RFX6: variants seen among roughly 807,000 people sequenced by gnomAD.
RFX6 encodes the protein regulatory factor X6.
Under a neutral mutation model 110.8 loss-of-function variants are expected in RFX6, and 50 were observed. The ratio of observed to expected loss-of-function variants is 0.45; its 90% CI spans 0.36 to 0.57. The LOEUF is 0.57. Ranked by LOEUF, RFX6 falls within the 20% of genes least tolerant of loss-of-function variation. RFX6 has a pLI of 0.00. For synonymous variants in RFX6, 383 were observed against 411.2 expected (o/e 0.93, Z 0.83); for missense variants, 990 against 1,127.0 (o/e 0.88, Z 1.74).
intron 6 of RFX6, among the ~76,000 whole-genome samples, chr6:116,903,024 G>GA (rs1775108891): frequency 1.3e-5 from 2 of 151,900 alleles, no homozygotes; most frequent in African/African-American, 4.8e-5. Flanking sequence ...ATTGAGAAAG[G>GA]AAAAAACAAA....
intron 6 of RFX6, among the ~76,000 whole-genome samples, chr6:116,895,645 TAC>T (rs146991192): frequency 0.056 from 8,251 of 147,520 alleles, 225 homozygotes; most frequent in South Asian, 0.084. Context: ...CTACTTTGTG[TAC>T]ACACACACAC....
chr6:116,910,499 AATAAATT>A (rs1775327232), intron 6 of RFX6, among the ~76,000 whole-genome samples: 1 of 152,206 alleles, frequency 6.6e-6, no homozygotes, highest in African/African-American at 2.4e-5. Context: ...TCTGAGACTG[AATAAATT>A]ATTTTACGTT....
chr6:116,929,883 A>G (rs1164794883), intron 18 of RFX6, among the ~76,000 whole-genome samples: 1 of 152,184 alleles, frequency 6.6e-6, no homozygotes, highest in Non-Finnish European at 1.5e-5. Context: ...TACCTTCCCA[A>G]TAATTCAATA....
chr6:116,892,132 T>C (rs1774844085), intron 4 of RFX6, among the ~76,000 whole-genome samples: 1 of 152,210 alleles, frequency 6.6e-6, no homozygotes, highest in Non-Finnish European at 1.5e-5. Context: ...TCTGAAAACA[T>C]TAGTTATAAT....
intron 4 of RFX6, among the ~76,000 whole-genome samples, 161 bp from the exon 5 acceptor site, chr6:116,893,826 T>G (rs1425019547): frequency 6.6e-6 from 1 of 152,168 alleles, no homozygotes; most frequent in Non-Finnish European, 1.5e-5. Flanking sequence ...CAAAGAGGAA[T>G]ATAGCACATT....
chr6:116,900,439 G>C (rs1016296033), intron 6 of RFX6, among the ~76,000 whole-genome samples: 4 of 152,090 alleles, frequency 2.6e-5, no homozygotes, highest in Non-Finnish European at 5.9e-5. Context: ...GTTTTTAGTA[G>C]AGTCGGGGTT....
chr6:116,912,806 C>G (rs1775381292), intron 7 of RFX6, among the ~76,000 whole-genome samples: 1 of 152,054 alleles, frequency 6.6e-6, no homozygotes, highest in Non-Finnish European at 1.5e-5. Context: ...TGTTTCTCTG[C>G]TGGCCTCCAA....
chr6:116,904,505 A>G (rs2210668), intron 6 of RFX6, among the ~76,000 whole-genome samples: 108,504 of 151,982 alleles, frequency 0.71, 39,086 homozygotes, highest in East Asian at 0.88. Context: ...TCATATTTTT[A>G]TTGTGGTAAA....
At chr6:116,900,456 T>TG (rs1775043454) in intron 6 of RFX6, among the ~76,000 whole-genome samples, 1 of 152,148 alleles carries the variant, frequency 6.6e-6, no homozygotes, top group Non-Finnish European at 1.5e-5. Context: ...GGTTTTGTCA[T>TG]GTTGGCCAGG....
At chr6:116,892,315 G>GC (rs1442926869) in intron 4 of RFX6, among the ~76,000 whole-genome samples, 4 of 152,198 alleles carry the variant, frequency 2.6e-5, no homozygotes, top group African/African-American at 9.7e-5. Context: ...CTGTCATCCA[G>GC]CTGCTGTCCT....
intron 7 of RFX6, among the ~76,000 whole-genome samples, chr6:116,911,711 A>G (rs1424375274): frequency 1.3e-5 from 2 of 152,318 alleles, no homozygotes; most frequent in South Asian, 2.1e-4. Flanking sequence ...AAATTAGAGC[A>G]TAATTATTTC....
In RFX6 at chr6:116,895,166, A is replaced by T. The variant is rs1474586083; in HGVS notation, c.645-14A>T. Reference sequence around the variant, plus strand: ...TTTTGTTTGAACTAATGGAAAATGTACTAATTTTTTAAGGTTTTCTGGAAG... The same window carrying T: ...TTTTGTTTGAACTAATGGAAAATGTTCTAATTTTTTAAGGTTTTCTGGAAG... On this transcript the variant is annotated splice_polypyrimidine_tract_variant and intron_variant, in intron 5 of 18. Transcript: ENST00000332958. 2 of 1,426,684 alleles carry T rather than the reference A, an allele frequency of 1.4e-6. No individual in the cohort carries two copies. Among genetic ancestry groups the T allele is most frequent in the Non-Finnish European group, 2.0e-6 (2 of 1,011,094 alleles). The allele number at this position is 1,426,684 out of a possible 1,614,324, so 88.4% of individuals were successfully genotyped here.
intron 9 of RFX6, among the ~76,000 whole-genome samples, chr6:116,917,734 C>G (rs529426978): frequency 6.6e-6 from 1 of 152,042 alleles, no homozygotes; most frequent in Non-Finnish European, 1.5e-5. Context: ...AAATCTTCCT[C>G]CCACCTCTAG....
At chr6:116,909,735 C>CTTTTTTT (rs59264999) in intron 6 of RFX6, among the ~76,000 whole-genome samples, 6 of 67,378 alleles carry the variant, frequency 8.9e-5, no homozygotes, top group African/African-American at 3.0e-4. Flanking sequence ...TCATTTAAAT[C>CTTTTTTT]TTTTTTTTTT....
At chr6:116,926,115 G>A (rs1775724017) in intron 16 of RFX6, among the ~76,000 whole-genome samples, 1 of 152,084 alleles carries the variant, frequency 6.6e-6, no homozygotes, top group South Asian at 2.1e-4. Context: ...TCAGGAGTTT[G>A]AGACCAGCCT....
chr6:116,927,403 G>A lies in RFX6; in HGVS notation c.2262G>A (p.Pro754=), dbSNP rs374248308. The A allele has an allele frequency of 1.4e-5, 22 of 1,613,968 alleles. No homozygotes were observed. In the African/African-American group the frequency reaches 2.0e-4, roughly 15 times the overall value. Residue 754 remains proline, a synonymous_variant, in exon 17 of 19, where the codon CCG becomes CCA. Coordinates refer to ENST00000332958, the MANE Select transcript of RFX6 (RefSeq NM_173560.4). The stretch of plus-strand genomic sequence containing the variant: ...GGTCTCCATATAACTCCCGGCCACC[G>A]TCTAGCTATGGCCCATCCCTGCAAG... ...CAGSPYNSRP[P]SSYGPSLQAQ... is the part of the protein sequence containing the mutation.
At chr6:116,894,926 T>C (rs571604947) in intron 5 of RFX6, among the ~76,000 whole-genome samples, 2 of 152,264 alleles carry the variant, frequency 1.3e-5, no homozygotes, top group South Asian at 4.1e-4. Context: ...AAATGTTTAA[T>C]AGTGAGTGTC....
chr6:116,903,035 A>G (rs1775109029), intron 6 of RFX6, among the ~76,000 whole-genome samples: 1 of 152,074 alleles, frequency 6.6e-6, no homozygotes, highest in South Asian at 2.1e-4. Flanking sequence ...AAAAAACAAA[A>G]CAAACCCAGA....
chr6:116,918,518 A>T lies in RFX6; in HGVS notation c.1022+432A>T, dbSNP rs146226012. 3.6e-4 allele frequency among the ~76,000 whole-genome samples: 54 copies of T among 152,024 alleles called. No individual in the cohort carries two copies. The East Asian group carries it at 9.6e-3, about 27-fold the overall frequency. On this transcript the variant is annotated intron_variant, in intron 10 of 18. Coordinates refer to ENST00000332958, the MANE Select transcript of RFX6 (RefSeq NM_173560.4). ...CTGCCTTCTTTTAACAAAGGAATAA[A>T]ATCTCAAATAGTTTATTGAAACAAT...
Sources: allele counts gnomAD v4.1 joint callset (sites outside exome capture counted in the v4.1 genomes callset), GRCh38; gene constraint gnomAD v4.1.1; transcripts MANE v1.5; gene names NCBI Gene and HGNC (gene_info 2026-07-23, HGNC 2026-07-21).